The following CSF2RA variants were observed in gnomAD, a reference collection of about 807,000 sequenced individuals.
The protein encoded by CSF2RA is colony stimulating factor 2 receptor subunit alpha.
In CSF2RA, 42 loss-of-function variants were observed where a neutral mutation model predicts 51.6. The observed-to-expected ratio is 0.81, with a 90% CI of 0.64 to 1.05. The LOEUF (loss-of-function observed/expected upper bound fraction) is 1.05, where lower values mean the gene tolerates loss of function less well. Ranked by LOEUF, CSF2RA falls within the 50% of genes least tolerant of loss-of-function variation. The pLI is 0.00. For synonymous variants in CSF2RA, 222 were observed against 193.0 expected (o/e 1.15, Z -1.24); for missense variants, 530 against 501.1 (o/e 1.06, Z -0.55).
At chrX:1,294,713 C>T (rs1311366499) in intron 8 of CSF2RA, among the ~76,000 whole-genome samples, 7 of 151,996 alleles carry the variant, frequency 4.6e-5, no homozygotes, top group Admixed American at 2.6e-4. Flanking sequence ...GGAAGTGGAC[C>T]GGGAGGTGTG....
rs187815887 is a variant in CSF2RA at position 1,306,307 on chromosome X, C to T, written c.1125+780C>T. 3.4e-3 allele frequency among the ~76,000 whole-genome samples: 508 copies of T among 151,488 alleles called. 6 individuals are homozygous for T. The highest frequency in any genetic ancestry group is 0.011 in the African/African-American group (457 of 41,310). On this transcript the variant is annotated intron_variant, in intron 12 of 12. Coordinates refer to ENST00000381529, the MANE Select transcript of CSF2RA (RefSeq NM_172245.4). ...AAAGGGAGAAGGAAAGAGAGAGACA[C>T]GAGACACAGATGGAGAAACAGAGAC...
chrX:1,287,830 G>T (rs1481203365), intron 4 of CSF2RA, among the ~76,000 whole-genome samples: 1 of 139,164 alleles, frequency 7.2e-6, no homozygotes, highest in Admixed American at 7.2e-5. Context: ...TGTGCCTCCT[G>T]GGTTCAAGAG....
intron 7 of CSF2RA, among the ~76,000 whole-genome samples, chrX:1,291,406 C>G (rs750334954): frequency 6.5e-4 from 97 of 148,698 alleles, no homozygotes; most frequent in African/African-American, 2.3e-3. Context: ...CCTCTCCTTC[C>G]TTCTCCTTCA....
chrX:1,295,320 C>T, intron 8 of CSF2RA, 107 bp from the exon 9 acceptor site: 1 of 1,419,378 alleles, frequency 7.0e-7, no homozygotes. Flanking sequence ...TCCGCAGGGA[C>T]TCCTTCCCAT....
At chrX:1,314,232 C>T (rs866782948), downstream of CSF2RA, among the ~76,000 whole-genome samples, 7 of 104,502 alleles carry the variant, frequency 6.7e-5, 2 homozygotes, top group East Asian at 5.2e-4. Context: ...CCCCACTGCA[C>T]CTGCCCAACC....
At chrX:1,271,176 G>C (rs1227383038) in intron 1 of CSF2RA, among the ~76,000 whole-genome samples, 1 of 150,262 alleles carries the variant, frequency 6.7e-6, no homozygotes, top group Non-Finnish European at 1.5e-5. Flanking sequence ...TCTTTTTGTT[G>C]AGACAGAGTC....
At chrX:1,276,780 G>T (rs1466657911) in intron 2 of CSF2RA, among the ~76,000 whole-genome samples, 1 of 152,072 alleles carries the variant, frequency 6.6e-6, no homozygotes, top group Non-Finnish European at 1.5e-5. Flanking sequence ...CTTGTCTGGG[G>T]AGGCATATCC....
chrX:1,271,542 T>C (rs34456698), intron 1 of CSF2RA, among the ~76,000 whole-genome samples: 59,291 of 149,376 alleles, frequency 0.4, 13,779 homozygotes, highest in Non-Finnish European at 0.51. Context: ...TTGGAGACAG[T>C]ATCTTGCTCT....
At chrX:1,306,834 CAGAG>C (rs2083618759) in intron 12 of CSF2RA, among the ~76,000 whole-genome samples, 1 of 146,668 alleles carries the variant, frequency 6.8e-6, no homozygotes, top group Non-Finnish European at 1.5e-5. Context: ...GAGAGAGAAA[CAGAG>C]AGACATAGGT....
At chrX:1,277,593 CA>C (rs749833246) in intron 2 of CSF2RA, among the ~76,000 whole-genome samples, 8,691 of 70,144 alleles carry the variant, frequency 0.12, 305 homozygotes, top group African/African-American at 0.29. Flanking sequence ...AAGTCCATCT[CA>C]AAAAAAAAAA....
intron 2 of CSF2RA, among the ~76,000 whole-genome samples, chrX:1,277,808 C>A (rs2089386375): frequency 6.8e-6 from 1 of 147,164 alleles, no homozygotes; most frequent in Non-Finnish European, 1.5e-5. Flanking sequence ...GAAACCCCAT[C>A]TCTACTAAAA....
intron 2 of CSF2RA, among the ~76,000 whole-genome samples, chrX:1,275,641 C>T (rs1224507421): frequency 6.6e-6 from 1 of 151,794 alleles, no homozygotes. Context: ...TCACTGCAAC[C>T]TCCGCCTCCC....
intron 2 of CSF2RA, among the ~76,000 whole-genome samples, chrX:1,280,694 TTTC>T (rs1384794311): frequency 2.9e-5 from 4 of 138,028 alleles, no homozygotes; most frequent in African/African-American, 1.1e-4. Context: ...TCTTCTCTTC[TTTC>T]TTCTTCTTCT....
rs200908867 is a variant in CSF2RA at position 1,269,107 on chromosome X, T to TA, written c.-91+235dup. ...ATATGCAGGTTTTTAAAGGCAAAAT[T>TA]AAAAAAATAAAATAAAATAAAAAGA... On this transcript the variant is annotated intron_variant, in intron 1 of 12. Transcript: ENST00000381529. Among the ~76,000 whole-genome samples the TA allele has an allele frequency of 6.8e-3, 1,034 of 151,632 alleles. 6 individuals are homozygous for TA. Among genetic ancestry groups the TA allele is most frequent in the Non-Finnish European group, 0.01 (700 of 67,910 alleles).
intron 2 of CSF2RA, among the ~76,000 whole-genome samples, chrX:1,275,037 A>G (rs1386074766): frequency 1.3e-5 from 2 of 150,810 alleles, no homozygotes; most frequent in South Asian, 4.2e-4. Context: ...GCAGCGTGAC[A>G]AGGCACATCC....
At chrX:1,301,912 CTTTTTTTTTTTTT>C (rs1158872719) in intron 10 of CSF2RA, among the ~76,000 whole-genome samples, 1 of 103,626 alleles carries the variant, frequency 9.7e-6, no homozygotes, top group Non-Finnish European at 1.9e-5. Context: ...GGCCCTCCCT[CTTTTTTTTTTTTT>C]TTTTTTTTTA....
intron 12 of CSF2RA, among the ~76,000 whole-genome samples, chrX:1,307,831 T>G (rs866439499): frequency 2.3e-4 from 1 of 4,338 alleles, no homozygotes; most frequent in Admixed American, 3.0e-3. Context: ...CCTACCCTTC[T>G]CCCTTTAGAC....
At position 1,269,381 on chromosome X, in the gene CSF2RA, G is replaced by A. The variant is rs189757045; in HGVS notation, c.-91+502G>A. 3.0e-3 allele frequency among the ~76,000 whole-genome samples: 458 copies of A among 152,196 alleles called. 4 individuals are homozygous for A. Among genetic ancestry groups the A allele is most frequent in the African/African-American group, 0.01 (428 of 41,534 alleles). ...CACGCCTGTAATCCCAGCACTTTGGGAGACTGAGGCGGGTGGATCACCTGA... is the reference window on the plus strand; with the variant it reads ...CACGCCTGTAATCCCAGCACTTTGGAAGACTGAGGCGGGTGGATCACCTGA... On this transcript the variant is annotated intron_variant, in intron 1 of 12. Coordinates refer to ENST00000381529, the MANE Select transcript of CSF2RA (RefSeq NM_172245.4).
chrX:1,302,462 G>A (rs1480330487), intron 10 of CSF2RA, among the ~76,000 whole-genome samples: 3 of 152,056 alleles, frequency 2.0e-5, no homozygotes, highest in South Asian at 2.1e-4. Flanking sequence ...ATTCGTGTCT[G>A]GTGGGCCGGG....
Sources: allele counts gnomAD v4.1 joint callset (sites outside exome capture counted in the v4.1 genomes callset), GRCh38; gene constraint gnomAD v4.1.1; transcripts MANE v1.5; gene names NCBI Gene and HGNC (gene_info 2026-07-23, HGNC 2026-07-21).